Variants in PRKACB observed in about 807,000 individuals in gnomAD.
The protein encoded by PRKACB is protein kinase cAMP-activated catalytic subunit beta.
A neutral mutation model predicts 51.4 loss-of-function variants in PRKACB; 16 were observed. That is an observed-to-expected ratio of 0.31 (90% confidence interval 0.21 to 0.47). PRKACB has a LOEUF of 0.47. PRKACB is among the 20% of genes least tolerant of loss of function. The pLI is 1.00. For missense variants in PRKACB, 309 were observed against 464.5 expected (o/e 0.67, Z 3.08); for synonymous variants, 147 against 154.4 (o/e 0.95, Z 0.35).
At chr1:84,078,123 T>C (rs1265578233), upstream of PRKACB, 32 of 485,342 alleles carry the variant, frequency 6.6e-5, no homozygotes, top group African/African-American at 2.5e-4. Flanking sequence ...CCGCCGCCGC[T>C]GCTGCTGCCG....
At chr1:84,134,831 C>T (rs964479544) in intron 1 of PRKACB, among the ~76,000 whole-genome samples, 10 of 152,158 alleles carry the variant, frequency 6.6e-5, no homozygotes, top group African/African-American at 2.4e-4. Context: ...GCAAGACTTC[C>T]TCCCATCTCT....
intron 1 of PRKACB, among the ~76,000 whole-genome samples, chr1:84,097,527 G>C (rs1386797632): frequency 6.6e-6 from 1 of 151,918 alleles, no homozygotes; most frequent in African/African-American, 2.4e-5. Context: ...TGGGGAGAAA[G>C]ATTATTTCTA....
intron 1 of PRKACB, among the ~76,000 whole-genome samples, chr1:84,081,966 A>C (rs1647575057): frequency 6.6e-6 from 1 of 152,248 alleles, no homozygotes; most frequent in African/African-American, 2.4e-5. Flanking sequence ...AAAGAAAGCC[A>C]CCAGTAGACT....
intron 1 of PRKACB, among the ~76,000 whole-genome samples, chr1:84,151,756 A>G (rs1001924782): frequency 1.3e-5 from 2 of 152,212 alleles, no homozygotes; most frequent in South Asian, 4.1e-4. Flanking sequence ...CAATAGAGTC[A>G]CATCTCCAGG....
At chr1:84,086,052 A>AAG (rs1647955056) in intron 1 of PRKACB, 7 of 977,450 alleles carry the variant, frequency 7.2e-6, no homozygotes, top group Non-Finnish European at 1.0e-5. Context: ...GTGGTCAAGC[A>AAG]GCATAGGAAA....
In PRKACB at chr1:84,157,802, T is replaced by C. The variant is rs1196935424; in HGVS notation, c.187+13254T>C. On this transcript the variant is annotated intron_variant, in intron 1 of 9. Coordinates refer to ENST00000370685, the MANE Select transcript of PRKACB (RefSeq NM_182948.4). ...TACATTTTGTTTATCCATTCTGCAG[T>C]TGATGCACATGAGAATTGGTTTGTT... 5.3e-5 allele frequency among the ~76,000 whole-genome samples: 8 copies of C among 152,214 alleles called. No homozygotes were observed. In the East Asian group the frequency reaches 1.5e-3, roughly 29 times the overall value.
rs565825732 is a variant in PRKACB, at chr1:84,098,235, C to T, written c.46+19864C>T. On this transcript the variant is annotated intron_variant, in intron 1 of 8. Coordinates refer to the PRKACB transcript ENST00000370688. ...GTTATTATTTTGCAGAAATGTTATA[C>T]GTACGCATAGTTTATGAATATAAAT... is the stretch of plus-strand genomic sequence containing the variant. 1.4e-3 allele frequency among the ~76,000 whole-genome samples: 215 copies of T among 152,072 alleles called. 1 individual carries two copies. The highest frequency in any genetic ancestry group is 4.7e-3 in the African/African-American group (197 of 41,506).
chr1:84,231,978 G>C (rs1471108945), intron 9 of PRKACB, among the ~76,000 whole-genome samples: 4 of 149,460 alleles, frequency 2.7e-5, no homozygotes, highest in African/African-American at 9.8e-5. Context: ...GAATGTGTTT[G>C]CTCTTGCTTT....
At chr1:84,086,249 C>T in intron 1 of PRKACB, 9 of 1,535,824 alleles carry the variant, frequency 5.9e-6, no homozygotes, top group Non-Finnish European at 8.1e-6. Context: ...AAGGACAAGT[C>T]CTGGTTCCCT....
chr1:84,078,087 TGCCACCGCCGTC>T, upstream of PRKACB: 1 of 400,324 alleles, frequency 2.5e-6, no homozygotes, highest in Non-Finnish European at 4.3e-6. Context: ...CCACTGCTGC[TGCCACCGCCGTC>T]GCCGCCGCCG....
intron 1 of PRKACB, among the ~76,000 whole-genome samples, chr1:84,122,690 A>G (rs1202345026): frequency 6.6e-6 from 1 of 152,208 alleles, no homozygotes. Flanking sequence ...TTAGTGAATT[A>G]AAAGGACGTT....
chr1:84,148,051 T>C (rs1433939407), intron 1 of PRKACB, among the ~76,000 whole-genome samples: 1 of 152,210 alleles, frequency 6.6e-6, no homozygotes, highest in Non-Finnish European at 1.5e-5. Flanking sequence ...CTATACATCT[T>C]CCGTTTTTGC....
In PRKACB at chr1:84,149,746, A is replaced by G. The variant is rs944467540; in HGVS notation, c.187+5198A>G. Among the ~76,000 whole-genome samples, 159 of 152,282 alleles carry G rather than the reference A, an allele frequency of 1.0e-3. 2 individuals carry two copies. Among genetic ancestry groups the G allele is most frequent in the African/African-American group, 3.7e-3 (153 of 41,572 alleles). The stretch of plus-strand genomic sequence containing the variant: ...AAAAAATGCCATGATAAACATCTTT[A>G]TAACTAAATATTTGTACATATTTAG... On this transcript the variant is annotated intron_variant, in intron 1 of 9. Transcript: ENST00000370685.
At chr1:84,107,450 C>G (rs1649846128) in intron 1 of PRKACB, among the ~76,000 whole-genome samples, 1 of 152,026 alleles carries the variant, frequency 6.6e-6, no homozygotes, top group Non-Finnish European at 1.5e-5. Context: ...ACGAAAATGG[C>G]ACAAGCAATT....
chr1:84,134,537 G>A (rs1211417084), intron 1 of PRKACB, among the ~76,000 whole-genome samples: 1 of 152,146 alleles, frequency 6.6e-6, no homozygotes, highest in Non-Finnish European at 1.5e-5. Flanking sequence ...ACTTAGATTA[G>A]TTAAAAATGA....
At chr1:84,134,533 A>G (rs898811941) in intron 1 of PRKACB, among the ~76,000 whole-genome samples, 2 of 152,222 alleles carry the variant, frequency 1.3e-5, no homozygotes, top group Non-Finnish European at 2.9e-5. Flanking sequence ...GTGGACTTAG[A>G]TTAGTTAAAA....
At chr1:84,164,522 T>C (rs1656773803) in intron 1 of PRKACB, 3 of 1,482,334 alleles carry the variant, frequency 2.0e-6, no homozygotes, top group East Asian at 2.5e-5. Context: ...TTTATAATCA[T>C]GTGGCTCTAA....
intron 1 of PRKACB, among the ~76,000 whole-genome samples, chr1:84,171,713 G>A (rs552732858): frequency 6.6e-5 from 10 of 151,614 alleles, no homozygotes; most frequent in East Asian, 2.0e-4. Flanking sequence ...CAAGAAAAAC[G>A]TGGAGAGAAC....
chr1:84,207,906 T>C (rs771883515), intron 8 of PRKACB, among the ~76,000 whole-genome samples: 8 of 152,208 alleles, frequency 5.3e-5, no homozygotes, highest in Non-Finnish European at 8.8e-5. Flanking sequence ...CTTGCTCTGT[T>C]GACCAGGCTG....
Sources: allele counts gnomAD v4.1 joint callset (sites outside exome capture counted in the v4.1 genomes callset), GRCh38; gene constraint gnomAD v4.1.1; transcripts MANE v1.5; gene names NCBI Gene and HGNC (gene_info 2026-07-23, HGNC 2026-07-21).